The following PSG11 variants were observed in gnomAD, a reference collection of about 807,000 sequenced individuals.
The protein encoded by PSG11 is pregnancy specific beta-1-glycoprotein 11, also known as pregnancy-specific beta-1-glycoprotein 11.
Under a neutral mutation model 36.0 loss-of-function variants are expected in PSG11, and 42 were observed. That is an observed-to-expected ratio of 1.17 (90% CI 0.91 to 1.51). The LOEUF is 1.51. Among genes scored for constraint, PSG11 ranks in the 40% most tolerant of loss-of-function variants. The probability of loss-of-function intolerance (pLI) is 0.00; values close to 1 mark genes in which losing one functional copy is unlikely to be tolerated. For synonymous variants in PSG11, 206 were observed against 153.5 expected, an observed-to-expected ratio of 1.34 and a Z score of -2.53; for missense variants, 558 against 403.5, an observed-to-expected ratio of 1.38 and a Z score of -3.28.
chr19:43,016,747 G>C (rs1966976944), intron 3 of PSG11, among the ~76,000 whole-genome samples: 2 of 151,698 alleles, frequency 1.3e-5, no homozygotes, highest in East Asian at 3.9e-4. Context: ...GCAAGAGCTG[G>C]TGGCTTTGGA....
At chr19:43,018,629 G>C in intron 3 of PSG11, 141 bp downstream of exon 3, 1 of 1,570,906 alleles carries the variant, frequency 6.4e-7, no homozygotes, top group Non-Finnish European at 8.7e-7. Context: ...TGGTTTGTCT[G>C]GGGCAGAAAG....
At chr19:43,019,898 G>C (rs1245310617) in intron 2 of PSG11, among the ~76,000 whole-genome samples, 1 of 151,520 alleles carries the variant, frequency 6.6e-6, no homozygotes, top group Non-Finnish European at 1.5e-5. Flanking sequence ...AACATGAACT[G>C]ATGATGGAAG....
chr19:43,024,494 G>T, intron 2 of PSG11, 197 bp downstream of exon 2: 1 of 939,950 alleles, frequency 1.1e-6, no homozygotes, highest in South Asian at 1.6e-5. Flanking sequence ...TGTCTGCAGG[G>T]TCTGGATGCG....
chr19:43,015,970 C>T, intron 3 of PSG11: 4 of 1,610,092 alleles, frequency 2.5e-6, no homozygotes, highest in Non-Finnish European at 3.4e-6. Flanking sequence ...CTTAGGTTCA[C>T]AGGTGAAGGT....
intron 4 of PSG11, among the ~76,000 whole-genome samples, chr19:43,011,635 C>T (rs1215936960): frequency 6.6e-6 from 1 of 151,056 alleles, no homozygotes; most frequent in African/African-American, 2.4e-5. Context: ...TGTTTTAATC[C>T]TAGCACTTTG....
chr19:43,018,493 G>A lies in PSG11; in HGVS notation c.709+277C>T, dbSNP rs1267835130. ...AGACTGAAGTCCCAGCCAAATCCTC[G>A]CTGTGTTCACTGATCTGGAGCCTGA... is the stretch of plus-strand genomic sequence containing the variant. On this transcript the variant is annotated intron_variant, in intron 3 of 5. Transcript: ENST00000320078. The A allele has an allele frequency of 1.5e-5, 11 of 715,702 alleles. 1 individual carries two copies. The highest frequency in any genetic ancestry group is 6.1e-5 in the South Asian group (3 of 49,350). The allele number at this position is 715,702 out of a possible 1,614,324, so 44.3% of individuals were successfully genotyped here. A position where few individuals can be genotyped will look rare whatever the true frequency, so the allele number is the denominator to read the frequency against.
At chr19:43,009,262 C>G (rs11882741) in intron 5 of PSG11, among the ~76,000 whole-genome samples, 3 of 150,114 alleles carry the variant, frequency 2.0e-5, no homozygotes, top group Admixed American at 1.3e-4. Flanking sequence ...TTGTTCTCCA[C>G]GAGGTCAGAT....
intron 3 of PSG11, among the ~76,000 whole-genome samples, chr19:43,018,092 C>G (rs1488771404): frequency 6.6e-6 from 1 of 151,184 alleles, no homozygotes; most frequent in Non-Finnish European, 1.5e-5. Context: ...AACATAGTGC[C>G]AATGCTCCAG....
At chr19:43,022,352 C>T (rs1275159396) in intron 2 of PSG11, among the ~76,000 whole-genome samples, 1 of 151,230 alleles carries the variant, frequency 6.6e-6, no homozygotes, top group South Asian at 2.1e-4. Flanking sequence ...CTCAGCCCGT[C>T]ATGTGGTCCC....
chr19:43,018,613 C>G, intron 3 of PSG11, 157 bp downstream of exon 3: 2 of 1,530,876 alleles, frequency 1.3e-6, no homozygotes, highest in Non-Finnish European at 1.8e-6. Flanking sequence ...AAGCCTAGGC[C>G]TACTGTGGTT....
chr19:43,024,839 TGCC>T lies in PSG11; in HGVS notation c.279_281del (p.Ala94del). 2.5e-6 allele frequency: 4 copies of T among 1,612,018 alleles called. No individual in the cohort carries two copies. The highest frequency in any genetic ancestry group is 3.4e-6 in the Non-Finnish European group (4 of 1,179,118). On this transcript the variant is annotated inframe_deletion, in exon 2 of 6. Coordinates refer to ENST00000320078, the MANE Select transcript of PSG11 (RefSeq NM_002785.3). ...AATATACTGTTTCTCGTCCACTGTA[TGCC>T]GGTCCATATATAATTATTTGACCGT...
At position 43,015,206 on chromosome 19, in the gene PSG11, TA is replaced by T; in HGVS notation, c.873del (p.Thr292LeufsTer25). 6.2e-7 allele frequency: 1 copy of T among 1,610,874 alleles called. No individual in the cohort carries two copies. Among genetic ancestry groups the T allele is most frequent in the Non-Finnish European group, 8.5e-7 (1 of 1,178,118 alleles). ...GCATAGAGCCCATTATGCTTTGGAG[TA>T]ATCTGAGGGATAAAGAGCTTTTGTC... ...LSGQKLFIPQ[I>X]TPKHNGLYAC... is the part of the protein sequence containing the mutation. On this transcript the variant is annotated frameshift_variant, in exon 4 of 6. Coordinates refer to ENST00000320078, the MANE Select transcript of PSG11 (RefSeq NM_002785.3). LOFTEE classifies it high-confidence loss of function.
chr19:43,012,162 G>A lies in PSG11; in HGVS notation c.965-2121C>T, dbSNP rs564916703. On this transcript the variant is annotated intron_variant, in intron 4 of 5. Coordinates refer to ENST00000320078, the MANE Select transcript of PSG11 (RefSeq NM_002785.3). ...GGAAGGAAACCACCTCAACATAAAG[G>A]CAATATGTGAAAAACCCAATGCTAA... Among the ~76,000 whole-genome samples the A allele has an allele frequency of 7.9e-5, 12 of 151,138 alleles. 1 individual carries two copies. Among genetic ancestry groups the A allele is most frequent in the Non-Finnish European group, 1.3e-4 (9 of 67,836 alleles).
rs376411110 is a variant in PSG11, at chr19:43,024,864, C to G, written c.257G>C (p.Gly86Ala). ...TGCCGGTCCATATATAATTATTTGA[C>G]CGTCTACTACATATGATGTAATGTA... ...YHYITSYVVD[G>A]QIIIYGPAYS... The change falls in exon 2 of 6, where the codon GGT (glycine) becomes GCT (alanine). Residue 86 changes from glycine to alanine, a missense_variant. By Grantham distance (60) the Gly-to-Ala change is moderately conservative. Coordinates refer to ENST00000320078, the MANE Select transcript of PSG11 (RefSeq NM_002785.3). 3.1e-6 allele frequency: 5 copies of G among 1,611,598 alleles called. 1 individual carries two copies. Among genetic ancestry groups the G allele is most frequent in the Non-Finnish European group, 4.2e-6 (5 of 1,179,056 alleles).
rs780889849 is a variant in PSG11 at position 43,018,882 on chromosome 19, G to A, written c.597C>T (p.Asn199=). ...TGACACCAAATAGAAAGAGGGTCCT[G>A]TTGGTTTCAGACAGCTGCATCCTAT... ...MTHRMQLSET[N]RTLFLFGVTK... is the part of the protein sequence containing the mutation. Residue 199 remains asparagine (N), a synonymous_variant, in exon 3 of 6, where the codon AAC becomes AAT. Coordinates refer to ENST00000320078, the MANE Select transcript of PSG11 (RefSeq NM_002785.3). 7.4e-6 allele frequency: 12 copies of A among 1,612,112 alleles called. No individual in the cohort carries two copies. The East Asian group carries it at 2.5e-4, about 33-fold the overall frequency.
At chr19:43,010,177 A>T in intron 4 of PSG11, 136 bp from the exon 5 acceptor site, 2 of 1,460,892 alleles carry the variant, frequency 1.4e-6, no homozygotes, top group East Asian at 2.5e-5. Flanking sequence ...TGGAAAATTG[A>T]TGGGAGATGA....
Position 43,018,756 on chromosome 19 carries a change from C to G in PSG11, c.709+14G>C. ...GATGGCAGCCTGGCTCACAGAGGAA[C>G]AGAAGATACTCACGGAGGAGATTCA... On this transcript the variant is annotated intron_variant, in intron 3 of 5. Transcript: ENST00000320078. 1.9e-6 allele frequency: 3 copies of G among 1,612,104 alleles called. No individual in the cohort carries two copies. Among genetic ancestry groups the G allele is most frequent in the Non-Finnish European group, 2.5e-6 (3 of 1,179,042 alleles).
In PSG11 at chr19:43,024,704, G is replaced by C; in HGVS notation, c.417C>G (p.Thr139=). 1 of 1,610,770 alleles carries C rather than the reference G, an allele frequency of 6.2e-7. No homozygotes were observed. Among genetic ancestry groups the C allele is most frequent in the East Asian group, 2.2e-5 (1 of 44,782 alleles). ...GGAATCACTTACGGTATAAGGTGAA[G>C]GTGAAATATCCAGTTACTCCTCTAG... ...DGTRGVTGYF[T]FTLYLETPKP... The change falls in exon 2 of 6, where the codon ACC becomes ACG. Residue 139 remains threonine (T), a synonymous_variant. Coordinates refer to ENST00000320078, the MANE Select transcript of PSG11 (RefSeq NM_002785.3).
chr19:43,013,049 A>T lies in PSG11; in HGVS notation c.964+2067T>A, dbSNP rs140659041. 7.0e-3 allele frequency among the ~76,000 whole-genome samples: 1,055 copies of T among 151,550 alleles called. 34 individuals carry two copies. Among genetic ancestry groups the T allele is most frequent in the Middle Eastern group, 0.014 (4 of 294 alleles). On this transcript the variant is annotated intron_variant, in intron 4 of 5. Transcript: ENST00000320078. ...GGGGAAGGGACAGTGTTCTCACCAA[A>T]TGGTATTGGGAAAGCTGGATATCCA...
Sources: allele counts gnomAD v4.1 joint callset (sites outside exome capture counted in the v4.1 genomes callset), GRCh38; gene constraint gnomAD v4.1.1; transcripts MANE v1.5; gene names NCBI Gene and HGNC (gene_info 2026-07-23, HGNC 2026-07-21).